Variants in SYT1 observed in about 807,000 individuals in gnomAD.
SYT1 encodes the protein synaptotagmin-1.
In SYT1, 8 loss-of-function variants were observed where a neutral mutation model predicts 44.8. The ratio of observed to expected loss-of-function variants is 0.18; its 90% CI spans 0.10 to 0.32. The LOEUF (loss-of-function observed/expected upper bound fraction) is 0.32. Ranked by LOEUF, SYT1 falls within the 10% of genes least tolerant of loss-of-function variation. The pLI is 1.00. For missense variants in SYT1, 286 were observed against 509.3 expected (o/e 0.56, Z 4.22); for synonymous variants, 154 against 188.8 (o/e 0.82, Z 1.51).
intron 3 of SYT1, among the ~76,000 whole-genome samples, chr12:79,082,862 T>C (rs1364316756): frequency 1.3e-5 from 2 of 152,156 alleles, no homozygotes; most frequent in African/African-American, 4.8e-5. Context: ...TAAACCTGCC[T>C]GTGAGAATGG....
chr12:79,024,868 T>C (rs1011528948), intron 2 of SYT1, among the ~76,000 whole-genome samples: 1 of 151,832 alleles, frequency 6.6e-6, no homozygotes, highest in Non-Finnish European at 1.5e-5. Context: ...TCTACTGTCT[T>C]CTTAAAGTCC....
At chr12:79,393,903 T>A (rs921576863) in intron 9 of SYT1, 1 of 152,216 alleles carries the variant, frequency 6.6e-6, no homozygotes, top group Non-Finnish European at 1.5e-5. Context: ...CACTCCATCC[T>A]TCTCTCTGAT....
intron 1 of SYT1, among the ~76,000 whole-genome samples, chr12:78,968,660 A>G (rs1868304156): frequency 6.6e-6 from 1 of 152,180 alleles, no homozygotes; most frequent in Non-Finnish European, 1.5e-5. Context: ...ATTGTTGAAC[A>G]CTTCCCAATC....
chr12:78,925,592 T>A (rs553553688), intron 1 of SYT1, among the ~76,000 whole-genome samples: 2 of 152,088 alleles, frequency 1.3e-5, no homozygotes, highest in African/African-American at 4.8e-5. Flanking sequence ...GTCAGAACCA[T>A]AAAATATTAT....
At chr12:78,941,229 C>T (rs936317054) in intron 1 of SYT1, among the ~76,000 whole-genome samples, 4 of 151,508 alleles carry the variant, frequency 2.6e-5, no homozygotes, top group African/African-American at 4.9e-5. Flanking sequence ...CCTGCCACCA[C>T]GCCTGGCTAA....
chr12:78,928,862 T>C (rs557490325), intron 1 of SYT1, among the ~76,000 whole-genome samples: 1 of 152,110 alleles, frequency 6.6e-6, no homozygotes, highest in African/African-American at 2.4e-5. Flanking sequence ...ACTAAAGCCA[T>C]GAAAACCAAA....
At chr12:79,272,419 T>G (rs567023498) in intron 4 of SYT1, among the ~76,000 whole-genome samples, 1 of 152,202 alleles carries the variant, frequency 6.6e-6, no homozygotes, top group African/African-American at 2.4e-5. Flanking sequence ...ACCTTATAAA[T>G]AGACATAAAA....
intron 8 of SYT1, among the ~76,000 whole-genome samples, chr12:79,313,562 T>A (rs1407371497): frequency 2.6e-5 from 4 of 151,438 alleles, no homozygotes; most frequent in African/African-American, 4.9e-5. Flanking sequence ...TAAGAGGGTA[T>A]TTCCGTAAGC....
chr12:79,098,357 T>G (rs998551808), intron 3 of SYT1, among the ~76,000 whole-genome samples: 2 of 152,054 alleles, frequency 1.3e-5, no homozygotes, highest in African/African-American at 4.8e-5. Context: ...ACAAAATTTT[T>G]TGTATGTAAA....
chr12:79,108,710 G>A (rs1425828000), intron 3 of SYT1, among the ~76,000 whole-genome samples: 1 of 152,050 alleles, frequency 6.6e-6, no homozygotes, highest in Non-Finnish European at 1.5e-5. Context: ...TCAAATTCAA[G>A]AAAGTTATGT....
At chr12:78,913,893 C>T (rs1189470759) in intron 1 of SYT1, among the ~76,000 whole-genome samples, 2 of 151,622 alleles carry the variant, frequency 1.3e-5, no homozygotes, top group African/African-American at 2.4e-5. Flanking sequence ...CTAGGAGTCT[C>T]ATAAAAATTT....
chr12:78,893,944 AGGAG>A (rs1267980876), intron 1 of SYT1, among the ~76,000 whole-genome samples: 6 of 151,726 alleles, frequency 4.0e-5, no homozygotes, highest in African/African-American at 1.4e-4. Flanking sequence ...GCTTGGAATG[AGGAG>A]GCTAGCAATG....
intron 3 of SYT1, among the ~76,000 whole-genome samples, chr12:79,133,870 T>C (rs1404645068): frequency 6.6e-6 from 1 of 152,216 alleles, no homozygotes; most frequent in Admixed American, 6.5e-5. Context: ...GAACTCCTGC[T>C]CTAAATCTCC....
chr12:79,217,898 A>G (rs947890626), intron 4 of SYT1, among the ~76,000 whole-genome samples: 1 of 72,050 alleles, frequency 1.4e-5, no homozygotes, highest in Non-Finnish European at 2.9e-5. Context: ...AATCCAGTTT[A>G]CAAAAAAAAA....
At chr12:79,358,293 T>C (rs1443036446) in intron 9 of SYT1, among the ~76,000 whole-genome samples, 1 of 152,216 alleles carries the variant, frequency 6.6e-6, no homozygotes, top group Non-Finnish European at 1.5e-5. Context: ...ATTATAGCTT[T>C]TAAATTTTGA....
intron 3 of SYT1, among the ~76,000 whole-genome samples, chr12:79,056,328 G>A (rs1237469076): frequency 6.6e-6 from 1 of 152,036 alleles, no homozygotes; most frequent in African/African-American, 2.4e-5. Context: ...TAGGATGCAG[G>A]CTTGCTTTGG....
At chr12:79,058,902 C>G (rs1048455788) in intron 3 of SYT1, among the ~76,000 whole-genome samples, 9 of 151,978 alleles carry the variant, frequency 5.9e-5, no homozygotes, top group African/African-American at 2.2e-4. Context: ...CACATTTTCC[C>G]AGTGGGTCTT....
At chr12:78,976,240 G>GA (rs975640879) in intron 1 of SYT1, among the ~76,000 whole-genome samples, 6 of 151,568 alleles carry the variant, frequency 4.0e-5, no homozygotes, top group Admixed American at 2.6e-4. Context: ...CCAAAAAGAA[G>GA]AAAAAAAAGT....
intron 3 of SYT1, among the ~76,000 whole-genome samples, chr12:79,215,707 G>C (rs1874745791): frequency 6.6e-6 from 1 of 151,998 alleles, no homozygotes; most frequent in Non-Finnish European, 1.5e-5. Context: ...AAAAGAGAGA[G>C]AGAGAAATAG....
Sources: gnomAD v4.1 joint callset for allele counts (sites outside exome capture counted in the v4.1 genomes callset) on GRCh38, gnomAD v4.1.1 for gene constraint, MANE v1.5 for transcripts, NCBI Gene and HGNC (gene_info 2026-07-23, HGNC 2026-07-21) for gene names.